The following RASGRP3 variants were observed in gnomAD, a reference collection of about 807,000 sequenced individuals.
The protein encoded by RASGRP3 is RAS guanyl releasing protein 3.
Under a neutral mutation model 82.7 loss-of-function variants are expected in RASGRP3, and 54 were observed. That is an observed-to-expected ratio of 0.65 (90% CI 0.52 to 0.82). The LOEUF (loss-of-function observed/expected upper bound fraction) is 0.82, where lower values mean the gene tolerates loss of function less well. RASGRP3 is among the 40% of genes least tolerant of loss of function. The pLI is 0.00. For missense variants in RASGRP3, 861 were observed against 828.9 expected, an observed-to-expected ratio of 1.04 and a Z score of -0.48; for synonymous variants, 309 against 300.5, an observed-to-expected ratio of 1.03 and a Z score of -0.29.
chr2:33,513,363 A>T (rs1311037907), intron 2 of RASGRP3, among the ~76,000 whole-genome samples: 1 of 152,062 alleles, frequency 6.6e-6, no homozygotes, highest in East Asian at 1.9e-4. Flanking sequence ...GACATTAGGT[A>T]TTTTTTCCTA....
In RASGRP3 at chr2:33,523,868, T is replaced by C; in HGVS notation, c.517-11T>C. 4 of 1,599,786 alleles carry C rather than the reference T, an allele frequency of 2.5e-6. No individual in the cohort carries two copies. Among genetic ancestry groups the C allele is most frequent in the Non-Finnish European group, 3.4e-6 (4 of 1,170,748 alleles). On this transcript the variant is annotated splice_polypyrimidine_tract_variant and intron_variant, in intron 7 of 17. Transcript: ENST00000403687. Reference sequence around the variant, plus strand: ...ATTATAATTCAGAGTCTCTGAATCTTCCTTTCCTAGTTCACTGATTACCAA... The same window carrying C: ...ATTATAATTCAGAGTCTCTGAATCTCCCTTTCCTAGTTCACTGATTACCAA...
intron 11 of RASGRP3, among the ~76,000 whole-genome samples, chr2:33,534,772 T>C (rs1355196456): frequency 6.6e-6 from 1 of 150,388 alleles, no homozygotes; most frequent in Admixed American, 6.7e-5. Context: ...CTCGAACTAC[T>C]GACTTCATGA....
In RASGRP3 at chr2:33,523,874, C is replaced by G; in HGVS notation, c.517-5C>G. On this transcript the variant is annotated splice_polypyrimidine_tract_variant and splice_region_variant and intron_variant, in intron 7 of 17. Coordinates refer to ENST00000403687, the MANE Select transcript of RASGRP3 (RefSeq NM_001139488.2). ...ATTCAGAGTCTCTGAATCTTCCTTT[C>G]CTAGTTCACTGATTACCAAAGCTAT... is the stretch of plus-strand genomic sequence containing the variant. The G allele has an allele frequency of 6.2e-7, 1 of 1,605,104 alleles. No homozygotes were observed. The highest frequency in any genetic ancestry group is 1.1e-5 in the South Asian group (1 of 89,750).
chr2:33,532,564 T>C (rs1673200754), intron 10 of RASGRP3: 1 of 152,238 alleles, frequency 6.6e-6, no homozygotes, highest in Admixed American at 6.5e-5. Context: ...AGGCATTTGT[T>C]TGTGACATGC....
chr2:33,555,378 T>C (rs1321218251), intron 14 of RASGRP3, 153 bp from the exon 15 acceptor site: 3 of 523,996 alleles, frequency 5.7e-6, no homozygotes, highest in African/African-American at 2.0e-5. Flanking sequence ...CGGGAGAGGG[T>C]TCTTCTATCT....
chr2:33,446,720 A>G (rs1354288392), intron 1 of RASGRP3, among the ~76,000 whole-genome samples: 1 of 152,098 alleles, frequency 6.6e-6, no homozygotes, highest in Non-Finnish European at 1.5e-5. Flanking sequence ...AAGGGAGGGA[A>G]TGTGTGCAAT....
intron 2 of RASGRP3, among the ~76,000 whole-genome samples, chr2:33,450,374 C>T (rs983293586): frequency 6.6e-6 from 1 of 152,006 alleles, no homozygotes; most frequent in East Asian, 1.9e-4. Flanking sequence ...TGATCAAAAC[C>T]TCCTCATTCT....
chr2:33,560,248 CAACT>C (rs1421219001), intron 17 of RASGRP3, among the ~76,000 whole-genome samples: 1 of 152,140 alleles, frequency 6.6e-6, no homozygotes, highest in Non-Finnish European at 1.5e-5. Context: ...TCACCCCAGC[CAACT>C]AATTTATTTT....
intron 2 of RASGRP3, among the ~76,000 whole-genome samples, chr2:33,463,073 T>C (rs1356820890): frequency 6.6e-6 from 1 of 152,220 alleles, no homozygotes; most frequent in Non-Finnish European, 1.5e-5. Flanking sequence ...TCATCTGCGT[T>C]TATAGGAGTG....
At chr2:33,472,938 T>C (rs1558414622), upstream of RASGRP3, among the ~76,000 whole-genome samples, 1 of 150,912 alleles carries the variant, frequency 6.6e-6, no homozygotes, top group African/African-American at 2.4e-5. Context: ...AAAGAGCAGT[T>C]TCAGTGAAGT....
At chr2:33,556,147 C>T (rs1178125424) in intron 15 of RASGRP3, among the ~76,000 whole-genome samples, 2 of 150,680 alleles carry the variant, frequency 1.3e-5, no homozygotes, top group East Asian at 3.9e-4. Context: ...GCTACTTGTA[C>T]ATATATGATC....
At chr2:33,494,515 T>C (rs781557360) in intron 1 of RASGRP3, among the ~76,000 whole-genome samples, 9 of 152,224 alleles carry the variant, frequency 5.9e-5, no homozygotes, top group Non-Finnish European at 1.2e-4. Context: ...ATCTGTGATT[T>C]CCTTGAGTCT....
In RASGRP3 at chr2:33,516,550, G is replaced by A; in HGVS notation, c.79G>A (p.Gly27Arg). 2 of 1,559,942 alleles carry A rather than the reference G, an allele frequency of 1.3e-6. No homozygotes were observed. The highest frequency in any genetic ancestry group is 1.8e-6 in the Non-Finnish European group (2 of 1,138,374). Residue 27 changes from glycine (G) to arginine (R), a missense_variant, in exon 4 of 18, where the codon GGA becomes AGA. Transcript: ENST00000403687. ...TTTTATTTTTCTAACAGATGACAAT[G>A]GAGAGCTGGATAATAGTTATTTGCC... ...CTCIEMFDDN[G>R]ELDNSYLPRI...
chr2:33,440,792 A>G (rs1434319087), intron 1 of RASGRP3, among the ~76,000 whole-genome samples: 2 of 151,960 alleles, frequency 1.3e-5, no homozygotes, highest in African/African-American at 2.4e-5. Flanking sequence ...TTTTTGTATG[A>G]CATGTGTGGC....
rs1267551852 is a variant in RASGRP3 at position 33,514,217 on chromosome 2, G to C, written c.-127-793G>C. On this transcript the variant is annotated intron_variant, in intron 2 of 17. Coordinates refer to ENST00000403687, the MANE Select transcript of RASGRP3 (RefSeq NM_001139488.2). ...ACTGCAGAGAATAATCTTACTCTCAGGCAAGTAGAATCTGTTACAGTTGTT... is the reference window on the plus strand; with the variant it reads ...ACTGCAGAGAATAATCTTACTCTCACGCAAGTAGAATCTGTTACAGTTGTT... 2.0e-5 allele frequency among the ~76,000 whole-genome samples: 3 copies of C among 152,104 alleles called. No individual in the cohort carries two copies. The East Asian group carries it at 5.8e-4, about 29-fold the overall frequency.
chr2:33,486,900 T>C (rs6716035), intron 1 of RASGRP3, among the ~76,000 whole-genome samples: 31,641 of 152,120 alleles, frequency 0.21, 4,266 homozygotes, highest in African/African-American at 0.37. Flanking sequence ...TTAACAGTAG[T>C]GTTTGCCCTT....
At position 33,527,222 on chromosome 2, in the gene RASGRP3, A is replaced by G; in HGVS notation, c.893A>G (p.Lys298Arg). Residue 298 changes from lysine (K) to arginine (R), a missense_variant, in exon 10 of 18, where the codon AAA becomes AGA. Coordinates refer to ENST00000403687, the MANE Select transcript of RASGRP3 (RefSeq NM_001139488.2). ...RKAFADCDGF[K>R]IPILGVHLKD... The stretch of plus-strand genomic sequence containing the variant: ...GCCTTTGCCGACTGCGATGGCTTCA[A>G]AATCCCCATCCTTGGAGTACACTTG... 1 of 1,614,046 alleles carries G rather than the reference A, an allele frequency of 6.2e-7. No homozygotes were observed. Among genetic ancestry groups the G allele is most frequent in the Non-Finnish European group, 8.5e-7 (1 of 1,179,894 alleles).
At chr2:33,549,409 C>G (rs1675159575) in intron 13 of RASGRP3, among the ~76,000 whole-genome samples, 195 bp from the exon 14 acceptor site, 1 of 152,148 alleles carries the variant, frequency 6.6e-6, no homozygotes, top group Admixed American at 6.5e-5. Flanking sequence ...ACACAATTTT[C>G]TGCTTACTGA....
rs144613200 is a variant in RASGRP3, at chr2:33,459,986, G to A, written c.-261+12043G>A. Among the ~76,000 whole-genome samples the A allele has an allele frequency of 2.4e-3, 364 of 152,306 alleles. 2 individuals carry two copies. Among genetic ancestry groups the A allele is most frequent in the African/African-American group, 8.5e-3 (352 of 41,572 alleles). On this transcript the variant is annotated intron_variant, in intron 2 of 18. Coordinates refer to the RASGRP3 transcript ENST00000402538. Reference sequence around the variant, plus strand: ...CCTGGCTAGAGTTCGGTCAAGGAAAGAATGTTTGTCAATTGTAAATGAATA... The same window carrying A: ...CCTGGCTAGAGTTCGGTCAAGGAAAAAATGTTTGTCAATTGTAAATGAATA...
Sources: gnomAD v4.1 joint callset for allele counts (sites outside exome capture counted in the v4.1 genomes callset) on GRCh38, gnomAD v4.1.1 for gene constraint, MANE v1.5 for transcripts, NCBI Gene and HGNC (gene_info 2026-07-23, HGNC 2026-07-21) for gene names.